The following PLCL1 variants were observed in gnomAD, a reference collection of about 807,000 sequenced individuals.
PLCL1 encodes the protein inactive phospholipase C-like protein 1.
In PLCL1, 41 loss-of-function variants were observed where a neutral mutation model predicts 84.4. The observed-to-expected ratio is 0.49, with a 90% CI of 0.38 to 0.63. The LOEUF is 0.63. Among genes scored for constraint, PLCL1 ranks in the 30% least tolerant of loss-of-function variants. The pLI, the probability that PLCL1 is intolerant of heterozygous loss-of-function variation, is 0.00. For synonymous variants in PLCL1, 490 were observed against 488.3 expected, an observed-to-expected ratio of 1.00 and a Z score of -0.05; for missense variants, 1,206 against 1,367.8, an observed-to-expected ratio of 0.88 and a Z score of 1.87.
chr2:197,942,522 C>T (rs528800640), intron 1 of PLCL1, among the ~76,000 whole-genome samples: 1 of 152,082 alleles, frequency 6.6e-6, no homozygotes, highest in African/African-American at 2.4e-5. Flanking sequence ...TCAATTTCTC[C>T]CTATAGCAGT....
chr2:198,051,556 A>G (rs1691931592), intron 1 of PLCL1, among the ~76,000 whole-genome samples: 1 of 152,162 alleles, frequency 6.6e-6, no homozygotes, highest in Admixed American at 6.5e-5. Flanking sequence ...AAGAACAAAA[A>G]CAAGCAAACA....
intron 5 of PLCL1, among the ~76,000 whole-genome samples, chr2:198,104,953 C>G (rs536725409): frequency 1.1e-4 from 16 of 151,906 alleles, no homozygotes; most frequent in African/African-American, 3.6e-4. Flanking sequence ...TTGCAAATAT[C>G]TTCTCCCATT....
chr2:198,057,772 G>T (rs1039467955), intron 1 of PLCL1, among the ~76,000 whole-genome samples: 4 of 152,174 alleles, frequency 2.6e-5, no homozygotes, highest in Non-Finnish European at 4.4e-5. Flanking sequence ...GCTAGGCGTG[G>T]CGAGAAATAG....
At chr2:197,952,781 G>T (rs1410209877) in intron 1 of PLCL1, among the ~76,000 whole-genome samples, 2 of 152,094 alleles carry the variant, frequency 1.3e-5, no homozygotes, top group African/African-American at 4.8e-5. Context: ...AGTCTCATGA[G>T]ATCTGATGGT....
intron 1 of PLCL1, among the ~76,000 whole-genome samples, chr2:197,997,713 A>G (rs1416322432): frequency 6.6e-6 from 1 of 152,170 alleles, no homozygotes; most frequent in East Asian, 1.9e-4. Flanking sequence ...GAAGCATGCC[A>G]ATCATGACCT....
chr2:197,988,069 C>T (rs1005566910), intron 1 of PLCL1, among the ~76,000 whole-genome samples: 5 of 151,904 alleles, frequency 3.3e-5, no homozygotes, highest in African/African-American at 1.2e-4. Flanking sequence ...TACTGAGAAA[C>T]TGGGATGAGT....
At position 197,936,837 on chromosome 2, in the gene PLCL1, A is replaced by G. The variant is rs189662006; in HGVS notation, c.240+131498A>G. 7.9e-5 allele frequency among the ~76,000 whole-genome samples: 12 copies of G among 152,208 alleles called. No individual in the cohort carries two copies. The East Asian group carries it at 2.3e-3, about 29-fold the overall frequency. On this transcript the variant is annotated intron_variant, in intron 1 of 5. Coordinates refer to ENST00000428675, the MANE Select transcript of PLCL1 (RefSeq NM_006226.4). ...TTTTTGCTTGTGCTTTTAAAGTCATATACAAAAAAATCATTGCCTAGACCA... is the reference window on the plus strand; with the variant it reads ...TTTTTGCTTGTGCTTTTAAAGTCATGTACAAAAAAATCATTGCCTAGACCA...
At chr2:198,032,799 A>G (rs1222046491) in intron 1 of PLCL1, among the ~76,000 whole-genome samples, 3 of 152,208 alleles carry the variant, frequency 2.0e-5, no homozygotes, top group Non-Finnish European at 4.4e-5. Flanking sequence ...AAAAGATAAA[A>G]TATTACTTGT....
At chr2:197,920,521 A>G (rs760756148) in intron 1 of PLCL1, among the ~76,000 whole-genome samples, 17 of 152,182 alleles carry the variant, frequency 1.1e-4, no homozygotes, top group Admixed American at 6.5e-4. Flanking sequence ...TTATTGTAAC[A>G]TTTCTGATGA....
chr2:197,804,889 A>T lies in PLCL1; in HGVS notation c.-211A>T, dbSNP rs1456390755. 5 of 500,402 alleles carry T rather than the reference A, an allele frequency of 1.0e-5. No homozygotes were observed. Among genetic ancestry groups the T allele is most frequent in the Non-Finnish European group, 1.0e-5 (3 of 293,560 alleles). The allele number at this position is 500,402 out of a possible 1,614,324, so 31.0% of individuals were successfully genotyped here. ...TCCCCCGCCGGACTGCTAGCCTCCT[A>T]GACCGAAGCCCGAGGACGTCTCTGC... On this transcript the variant is annotated 5_prime_UTR_variant, in exon 1 of 6. Coordinates refer to ENST00000428675, the MANE Select transcript of PLCL1 (RefSeq NM_006226.4).
chr2:197,975,358 T>G (rs1574978035), intron 1 of PLCL1, among the ~76,000 whole-genome samples: 1 of 151,978 alleles, frequency 6.6e-6, no homozygotes, highest in Non-Finnish European at 1.5e-5. Context: ...AGGCCTAGGG[T>G]CTGCTTGCTT....
At chr2:198,066,897 T>A (rs1692333463) in intron 1 of PLCL1, among the ~76,000 whole-genome samples, 1 of 152,170 alleles carries the variant, frequency 6.6e-6, no homozygotes, top group Admixed American at 6.5e-5. Flanking sequence ...CCCCTCTACC[T>A]AAAATACTCC....
At chr2:197,807,487 A>T (rs1040324591) in intron 1 of PLCL1, among the ~76,000 whole-genome samples, 9 of 97,858 alleles carry the variant, frequency 9.2e-5, no homozygotes, top group African/African-American at 4.1e-4. Flanking sequence ...CTAAGGAGAA[A>T]AAAAGGCAGG....
intron 1 of PLCL1, among the ~76,000 whole-genome samples, chr2:197,937,201 A>G (rs1689070869): frequency 6.6e-6 from 1 of 152,148 alleles, no homozygotes. Context: ...GGATGTTTTG[A>G]AATCAAGAAG....
chr2:198,145,900 T>C (rs1694505356), intron 5 of PLCL1, among the ~76,000 whole-genome samples: 1 of 152,170 alleles, frequency 6.6e-6, no homozygotes, highest in African/African-American at 2.4e-5. Flanking sequence ...GGTCACACTT[T>C]CAGGCACTGC....
rs1694592909 is a variant in PLCL1, at chr2:198,149,322, G to A, written c.*2360G>A. 6.6e-6 allele frequency: 1 copy of A among 152,266 alleles called. No homozygotes were observed. Among genetic ancestry groups the A allele is most frequent in the South Asian group, 2.1e-4 (1 of 4,830 alleles). 9.4% of individuals were successfully genotyped at this position (152,266 alleles called of 1,614,324 possible). On this transcript the variant is annotated 3_prime_UTR_variant, in exon 6 of 6. Coordinates refer to ENST00000428675, the MANE Select transcript of PLCL1 (RefSeq NM_006226.4). Reference sequence around the variant, plus strand: ...TAGATTTGGTGATGCTAGGAATGTAGTGTTTTAGATATTAATTCTATTTTT... The same window carrying A: ...TAGATTTGGTGATGCTAGGAATGTAATGTTTTAGATATTAATTCTATTTTT...
At chr2:197,912,790 G>A (rs1248143182) in intron 1 of PLCL1, among the ~76,000 whole-genome samples, 1 of 55,016 alleles carries the variant, frequency 1.8e-5, no homozygotes, top group Non-Finnish European at 3.3e-5. Context: ...TCTGGGGACC[G>A]TGGTGGGGTG....
intron 1 of PLCL1, among the ~76,000 whole-genome samples, chr2:198,082,122 T>C (rs1692728497): frequency 6.6e-6 from 1 of 152,218 alleles, no homozygotes; most frequent in Admixed American, 6.5e-5. Flanking sequence ...TTGAAAAGCA[T>C]AACCTTTCAA....
chr2:197,922,618 C>T (rs1438633856), intron 1 of PLCL1, among the ~76,000 whole-genome samples: 3 of 141,152 alleles, frequency 2.1e-5, no homozygotes, highest in South Asian at 2.3e-4. Context: ...ACCTCCCGGA[C>T]GGGGCGGCTG....
Sources: gnomAD v4.1 joint callset for allele counts (sites outside exome capture counted in the v4.1 genomes callset) on GRCh38, gnomAD v4.1.1 for gene constraint, MANE v1.5 for transcripts, NCBI Gene and HGNC (gene_info 2026-07-23, HGNC 2026-07-21) for gene names.